The following MVP variants were observed in gnomAD, a reference collection of about 807,000 sequenced individuals.
The protein encoded by MVP is major vault protein, also known as lung resistance-related protein.
In MVP, 62 loss-of-function variants were observed where a neutral mutation model predicts 83.5. The observed-to-expected ratio is 0.74, with a 90% CI of 0.61 to 0.92. The LOEUF (loss-of-function observed/expected upper bound fraction) is 0.92, where lower values mean the gene tolerates loss of function less well. Among genes scored for constraint, MVP ranks in the 40% least tolerant of loss-of-function variants. The pLI is 0.00. For synonymous variants in MVP, 505 were observed against 504.1 expected, an observed-to-expected ratio of 1.00 and a Z score of -0.02; for missense variants, 1,000 against 1,203.4, an observed-to-expected ratio of 0.83 and a Z score of 2.50.
chr16:29,846,648 A>G (rs957238809), intron 13 of MVP, among the ~76,000 whole-genome samples: 3 of 152,200 alleles, frequency 2.0e-5, no homozygotes, highest in African/African-American at 7.2e-5. Context: ...ACCTGAGGTC[A>G]GGAGTTCAAG....
chr16:29,842,169 G>C, intron 10 of MVP, 57 bp downstream of exon 10: 1 of 1,519,400 alleles, frequency 6.6e-7, no homozygotes, highest in South Asian at 1.2e-5. Context: ...ACTTTGGGAG[G>C]CTGAGGTGGG....
chr16:29,837,041 C>T (rs185160756), intron 7 of MVP, 83 bp downstream of exon 7: 203 of 1,280,550 alleles, frequency 1.6e-4, no homozygotes, highest in Non-Finnish European at 2.1e-4. Context: ...CTTCTCTCCT[C>T]CAGACGCACG....
Position 29,837,061 on chromosome 16 carries a change from C to T in MVP, c.909+103C>T, listed in dbSNP as rs2067493987. On this transcript the variant is annotated intron_variant, in intron 7 of 14. Transcript: ENST00000357402. Reference sequence around the variant, plus strand: ...CTCCTCCAGACGCACGTTCTAGGAACACCTTCTGTGCCTTTGCATGCTTAG... The same window carrying T: ...CTCCTCCAGACGCACGTTCTAGGAATACCTTCTGTGCCTTTGCATGCTTAG... 14 of 1,062,384 alleles carry T rather than the reference C, an allele frequency of 1.3e-5. No homozygotes were observed. The East Asian group carries it at 3.4e-4, about 26-fold the overall frequency. The allele number at this position is 1,062,384 out of a possible 1,614,324, so 65.8% of individuals were successfully genotyped here.
Position 29,844,775 on chromosome 16 carries a change from C to T in MVP, c.1917C>T (p.Asp639=), listed in dbSNP as rs747731704. Residue 639 remains aspartate (D), a synonymous_variant, in exon 11 of 15, where the codon GAC becomes GAT. Transcript: ENST00000357402. ...ACGGGCTGGTGGTCAGCAGTGTGGA[C>T]GTGCAGTCAGTGGAGCCTGTGGATC... ...PQNGLVVSSV[D]VQSVEPVDQR... is the part of the protein sequence containing the mutation. The T allele has an allele frequency of 4.6e-5, 74 of 1,611,022 alleles. No individual in the cohort carries two copies. Among genetic ancestry groups the T allele is most frequent in the Admixed American group, 6.7e-5 (4 of 60,000 alleles).
At chr16:29,838,612 G>T (rs1490493385) in intron 7 of MVP, among the ~76,000 whole-genome samples, 1 of 152,104 alleles carries the variant, frequency 6.6e-6, no homozygotes, top group African/African-American at 2.4e-5. Context: ...AGGATTGCTT[G>T]AAGCCAGGAG....
intron 1 of MVP, among the ~76,000 whole-genome samples, chr16:29,826,421 C>T (rs1200944113): frequency 6.6e-6 from 1 of 152,046 alleles, no homozygotes; most frequent in Non-Finnish European, 1.5e-5. Flanking sequence ...TACTTAAGAC[C>T]AGGATTTTGA....
intron 1 of MVP, chr16:29,830,260 T>C (rs1479099915): frequency 3.5e-6 from 1 of 289,532 alleles, no homozygotes; most frequent in Non-Finnish European, 6.7e-6. Flanking sequence ...GGGAAAGGAA[T>C]TGGCAAGGAA....
rs372417567 is a variant in MVP, at chr16:29,824,165, G to A, written c.-36+3655G>A. On this transcript the variant is annotated intron_variant, in intron 1 of 14. Transcript: ENST00000357402. ...CGGGAGGCAGAGGTTGCAGTGAGCCGAGATGGCTACACTCCAGTCTGGGCA... is the reference window on the plus strand; with the variant it reads ...CGGGAGGCAGAGGTTGCAGTGAGCCAAGATGGCTACACTCCAGTCTGGGCA... 3.3e-4 allele frequency among the ~76,000 whole-genome samples: 42 copies of A among 125,648 alleles called. No individual in the cohort carries two copies. The East Asian group carries it at 9.3e-3, about 28-fold the overall frequency. The allele number at this position is 125,648 out of a possible 152,430, so 82.4% of individuals were successfully genotyped here. A position where few individuals can be genotyped will look rare whatever the true frequency, so the allele number is the denominator to read the frequency against.
intron 10 of MVP, among the ~76,000 whole-genome samples, chr16:29,843,553 G>GAA (rs1264085977): frequency 6.3e-3 from 306 of 48,830 alleles, no homozygotes; most frequent in Non-Finnish European, 8.5e-3. Context: ...AGGAAGGGAG[G>GAA]GAGGGAGGGA....
intron 1 of MVP, among the ~76,000 whole-genome samples, chr16:29,827,479 C>A (rs975980900): frequency 6.6e-6 from 1 of 152,140 alleles, no homozygotes; most frequent in South Asian, 2.1e-4. Flanking sequence ...AAAGACAGGA[C>A]CAGGCATTCC....
At chr16:29,838,722 G>C (rs1303155499) in intron 7 of MVP, among the ~76,000 whole-genome samples, 1 of 152,144 alleles carries the variant, frequency 6.6e-6, no homozygotes, top group Non-Finnish European at 1.5e-5. Context: ...AGCTATTTGG[G>C]AGGCTAAAGT....
intron 10 of MVP, among the ~76,000 whole-genome samples, chr16:29,843,628 T>A (rs1005059313): frequency 7.3e-6 from 1 of 136,902 alleles, no homozygotes. Context: ...GGCTCATGCC[T>A]GTAATCACAG....
intron 1 of MVP, among the ~76,000 whole-genome samples, chr16:29,827,007 C>T (rs992489994): frequency 2.0e-5 from 3 of 151,708 alleles, no homozygotes; most frequent in Admixed American, 1.3e-4. Context: ...AACAGAGCCC[C>T]GTATTGTGGA....
At chr16:29,835,664 C>T (rs1413275991) in intron 5 of MVP, 40 bp from the exon 6 acceptor site, 1 of 1,571,976 alleles carries the variant, frequency 6.4e-7, no homozygotes, top group Admixed American at 1.7e-5. Flanking sequence ...GGGGAGCAGG[C>T]TGGGGGGCCC....
chr16:29,841,497 G>A lies in MVP; in HGVS notation c.1192-99G>A. On this transcript the variant is annotated intron_variant, in intron 8 of 14. Transcript: ENST00000357402. The surrounding 1 kb of genome is among the most constrained non-coding windows in gnomAD (Gnocchi z 4.7). Reference sequence around the variant, plus strand: ...CCGTAGAGAAGGTGTTTAACCTCGTGGCGCGCCTTCCCTGGATGGGCTCTG... The same window carrying A: ...CCGTAGAGAAGGTGTTTAACCTCGTAGCGCGCCTTCCCTGGATGGGCTCTG... The A allele has an allele frequency of 6.9e-7, 1 of 1,443,830 alleles. No individual in the cohort carries two copies. Among genetic ancestry groups the A allele is most frequent in the Non-Finnish European group, 9.2e-7 (1 of 1,084,832 alleles). The allele number at this position is 1,443,830 out of a possible 1,614,324, so 89.4% of individuals were successfully genotyped here.
chr16:29,831,070 A>C lies in MVP; in HGVS notation c.318A>C (p.Glu106Asp), dbSNP rs1301356689. The change falls in exon 3 of 15, where the codon GAA (glutamate) becomes GAC (aspartate). Residue 106 changes from glutamate to aspartate, a missense_variant. By Grantham distance (45) the Glu-to-Asp change is conservative. Coordinates refer to ENST00000357402, the MANE Select transcript of MVP (RefSeq NM_005115.5). The part of the protein sequence containing the change: ...PFPLYPGEVL[E>D]KDITPLQVVL... The stretch of plus-strand genomic sequence containing the variant: ...CCCTGTACCCAGGGGAGGTGCTGGA[A>C]AAGGTACCTGGTTTCCTCACTCCCT... The C allele has an allele frequency of 6.2e-7, 1 of 1,610,852 alleles. No homozygotes were observed. The highest frequency in any genetic ancestry group is 1.1e-5 in the South Asian group (1 of 91,052).
At position 29,837,032 on chromosome 16, in the gene MVP, TTC is replaced by T. The variant is rs2067493700; in HGVS notation, c.909+79_909+80del. ...CTCTAGTGGCATGAGGCCCTCTGCC[TTC>T]TCTCCTCCAGACGCACGTTCTAGGA... On this transcript the variant is annotated intron_variant, in intron 7 of 14. Coordinates refer to ENST00000357402, the MANE Select transcript of MVP (RefSeq NM_005115.5). 61 of 1,376,866 alleles carry T rather than the reference TTC, an allele frequency of 4.4e-5. No homozygotes were observed. In the Middle Eastern group the frequency reaches 1.1e-3, roughly 25 times the overall value. The allele number at this position is 1,376,866 out of a possible 1,614,324, so 85.3% of individuals were successfully genotyped here. A position where few individuals can be genotyped will look rare whatever the true frequency, so the allele number is the denominator to read the frequency against.
chr16:29,843,546 A>AGGAAGGGAGGG (rs2067552884), intron 10 of MVP, among the ~76,000 whole-genome samples: 1 of 9,364 alleles, frequency 1.1e-4, no homozygotes, highest in Non-Finnish European at 2.0e-4. Flanking sequence ...GGAAGGGAGG[A>AGGAAGGGAGGG]AGGGAGGGAG....
chr16:29,836,716 C>T lies in MVP; in HGVS notation c.673-6C>T. 1 of 1,558,768 alleles carries T rather than the reference C, an allele frequency of 6.4e-7. No individual in the cohort carries two copies. Among genetic ancestry groups the T allele is most frequent in the South Asian group, 1.2e-5 (1 of 83,264 alleles). ...TCACTCAAATACCCAACATGTTGCT[C>T]TGCAGACAGCCCTGCACCTCCGGGC... On this transcript the variant is annotated splice_region_variant and splice_polypyrimidine_tract_variant and intron_variant, in intron 6 of 14. Transcript: ENST00000357402.
Sources: gnomAD v4.1 joint callset for allele counts (sites outside exome capture counted in the v4.1 genomes callset) on GRCh38, gnomAD v4.1.1 for gene constraint, Gnocchi (gnomAD v3.1) non-coding constraint, MANE v1.5 for transcripts, NCBI Gene and HGNC (gene_info 2026-07-23, HGNC 2026-07-21) for gene names.